STIM1: variants seen among roughly 807,000 people sequenced by gnomAD.
The protein encoded by STIM1 is stromal interaction molecule 1.
In STIM1, 25 loss-of-function variants were observed where a neutral mutation model predicts 74.7. The observed-to-expected ratio is 0.33, with a 90% CI of 0.24 to 0.47. STIM1 has a LOEUF of 0.47. STIM1 is among the 20% of genes least tolerant of loss of function. The pLI is 1.00. For missense variants in STIM1, 728 were observed against 920.8 expected (o/e 0.79, Z 2.71); for synonymous variants, 328 against 348.8 (o/e 0.94, Z 0.66).
At chr11:4,063,254 G>C (rs2094343645) in intron 5 of STIM1, among the ~76,000 whole-genome samples, 1 of 152,198 alleles carries the variant, frequency 6.6e-6, no homozygotes, top group Non-Finnish European at 1.5e-5. Flanking sequence ...TTTTAAGAGA[G>C]AGACTTAGAA....
intron 1 of STIM1, among the ~76,000 whole-genome samples, chr11:3,906,889 A>T (rs1297818686): frequency 6.6e-6 from 1 of 152,224 alleles, no homozygotes; most frequent in Admixed American, 6.5e-5. Flanking sequence ...AGATAAGAAA[A>T]TTGAGGGTAA....
At chr11:4,067,162 T>C (rs2094372703) in intron 5 of STIM1, among the ~76,000 whole-genome samples, 1 of 152,224 alleles carries the variant, frequency 6.6e-6, no homozygotes, top group Non-Finnish European at 1.5e-5. Context: ...TCTATCTCTG[T>C]AGTAACTCTA....
intron 2 of STIM1, chr11:4,018,937 C>T (rs1437982671): frequency 6.6e-6 from 1 of 152,604 alleles, no homozygotes; most frequent in African/African-American, 2.4e-5. Context: ...TGTTGCACTC[C>T]TGAAGGCAAA....
chr11:3,872,091 C>T (rs1048192427), intron 1 of STIM1, among the ~76,000 whole-genome samples: 2 of 152,096 alleles, frequency 1.3e-5, no homozygotes, highest in South Asian at 2.1e-4. Context: ...CTACCTCTGT[C>T]GCCCAGGCTG....
Position 4,070,170 on chromosome 11 carries a change from G to A in STIM1, c.758G>A (p.Arg253Gln), listed in dbSNP as rs771175797. The A allele has an allele frequency of 7.4e-6, 12 of 1,613,988 alleles. 1 individual carries two copies. The highest frequency in any genetic ancestry group is 6.7e-5 in the East Asian group (3 of 44,886). Residue 253 changes from arginine (R) to glutamine (Q), a missense_variant, in exon 6 of 13, where the codon CGA becomes CAA. This residue lies in a region of STIM1 where 131 missense variants were observed against 235.9 expected (regional missense o/e 0.56). Coordinates refer to ENST00000526596, the MANE Select transcript of STIM1 (RefSeq NM_001382567.1). Reference protein sequence around the residue: ...KMMKDLEGLHRAEQSLHDLQE... With the variant: ...KMMKDLEGLHQAEQSLHDLQE... The stretch of plus-strand genomic sequence containing the variant: ...ATGAAGGACTTGGAGGGGTTACACC[G>A]AGCTGAGCAGAGTCTGCATGACCTT...
intron 3 of STIM1, among the ~76,000 whole-genome samples, chr11:4,048,935 T>C (rs1273531094): frequency 6.6e-6 from 1 of 152,164 alleles, no homozygotes; most frequent in Non-Finnish European, 1.5e-5. Context: ...GGTTTCACCA[T>C]GTTGGCCAGG....
In STIM1 at chr11:3,912,140, CCCT is replaced by C. The variant is rs1253620678; in HGVS notation, c.140-55410_140-55408del. On this transcript the variant is annotated intron_variant, in intron 1 of 12. Transcript: ENST00000526596. ...CTCCCTAACCTTCTCCCCTCCCATC[CCCT>C]CTCCTCCCCTCCCTTCTCCCCTCCC... 1.8e-3 allele frequency among the ~76,000 whole-genome samples: 237 copies of C among 128,728 alleles called. 2 individuals carry two copies. The highest frequency in any genetic ancestry group is 6.4e-3 in the African/African-American group (216 of 33,520). 84.5% of individuals were successfully genotyped at this position (128,728 alleles called of 152,430 possible).
Position 4,020,511 on chromosome 11 carries a change from A to G in STIM1, c.271-3362A>G, listed in dbSNP as rs914477685. Among the ~76,000 whole-genome samples, 3 of 152,054 alleles carry G rather than the reference A, an allele frequency of 2.0e-5. 1 individual carries two copies. The South Asian group carries it at 6.2e-4, about 31-fold the overall frequency. ...GCCATACTAACTGGGGTGAGATGATATCTCATTGTGGTTTTGATTTCCATT... is the reference window on the plus strand; with the variant it reads ...GCCATACTAACTGGGGTGAGATGATGTCTCATTGTGGTTTTGATTTCCATT... On this transcript the variant is annotated intron_variant, in intron 2 of 12. Transcript: ENST00000526596.
intron 3 of STIM1, among the ~76,000 whole-genome samples, chr11:4,044,031 G>T (rs1165284318): frequency 6.6e-6 from 1 of 151,978 alleles, no homozygotes; most frequent in Non-Finnish European, 1.5e-5. Context: ...AGAAAAAAAA[G>T]ATAGGAGTTA....
intron 2 of STIM1, among the ~76,000 whole-genome samples, chr11:4,015,634 A>G (rs2093888786): frequency 1.3e-5 from 2 of 152,172 alleles, no homozygotes; most frequent in Admixed American, 1.3e-4. Flanking sequence ...TATCCTGAAG[A>G]GTGTTTTCTA....
intron 2 of STIM1, among the ~76,000 whole-genome samples, chr11:4,003,959 G>A (rs1168576280): frequency 6.6e-6 from 1 of 152,110 alleles, no homozygotes; most frequent in Non-Finnish European, 1.5e-5. Context: ...GACAAACAGA[G>A]AGCCAAATCA....
intron 1 of STIM1, among the ~76,000 whole-genome samples, chr11:3,919,213 G>T (rs1429280460): frequency 6.6e-6 from 1 of 152,114 alleles, no homozygotes; most frequent in Non-Finnish European, 1.5e-5. Flanking sequence ...ACACCAAACT[G>T]TGTTTTTTTG....
chr11:4,043,053 G>A lies in STIM1; in HGVS notation c.386-12473G>A, dbSNP rs548483608. Among the ~76,000 whole-genome samples the A allele has an allele frequency of 2.0e-3, 302 of 152,258 alleles. 1 individual carries two copies. Among genetic ancestry groups the A allele is most frequent in the Middle Eastern group, 6.8e-3 (2 of 294 alleles). ...ATATTTTACAGAAGGGGAAATTGAG[G>A]TTCATAATGGTTAAGTGATTTACGC... On this transcript the variant is annotated intron_variant, in intron 3 of 12. Coordinates refer to ENST00000526596, the MANE Select transcript of STIM1 (RefSeq NM_001382567.1).
chr11:3,865,081 A>G (rs780653300), intron 1 of STIM1, among the ~76,000 whole-genome samples: 6 of 152,140 alleles, frequency 3.9e-5, no homozygotes, highest in Non-Finnish European at 7.3e-5. Context: ...TACTACTCCA[A>G]CTTGGCTTCT....
intron 1 of STIM1, among the ~76,000 whole-genome samples, chr11:3,866,721 C>G (rs61061992): frequency 0.29 from 44,721 of 151,816 alleles, 7,573 homozygotes; most frequent in African/African-American, 0.46. Flanking sequence ...TACCTAAGAG[C>G]ACTGGGCATT....
In STIM1 at chr11:4,083,154, G is replaced by A. The variant is rs550127148; in HGVS notation, c.1239-109G>A. The A allele has an allele frequency of 2.1e-5, 27 of 1,296,736 alleles. No individual in the cohort carries two copies. The Middle Eastern group carries it at 7.3e-4, about 35-fold the overall frequency. 80.3% of individuals were successfully genotyped at this position (1,296,736 alleles called of 1,614,324 possible). ...TTGCTCTTAAGTTTGAGTTTATTGT[G>A]TGTTTTATTCACACATATTCTCAAA... On this transcript the variant is annotated intron_variant, in intron 9 of 12. Coordinates refer to ENST00000526596, the MANE Select transcript of STIM1 (RefSeq NM_001382567.1).
chr11:4,008,542 A>AT lies in STIM1; in HGVS notation c.271-15330dup, dbSNP rs531761837. On this transcript the variant is annotated intron_variant, in intron 2 of 12. Transcript: ENST00000526596. ...CTGTATATACATTTAAGAAAGATTA[A>AT]TAAAAACAAGTAAGATAATTATTTA... Among the ~76,000 whole-genome samples the AT allele has an allele frequency of 1.4e-4, 21 of 152,366 alleles. No homozygotes were observed. In the East Asian group the frequency reaches 3.9e-3, roughly 28 times the overall value.
At chr11:4,030,064 A>G (rs1030550534) in intron 3 of STIM1, among the ~76,000 whole-genome samples, 1 of 152,152 alleles carries the variant, frequency 6.6e-6, no homozygotes, top group Non-Finnish European at 1.5e-5. Context: ...GCGGTGGCTC[A>G]CGCCTGTAAT....
intron 2 of STIM1, among the ~76,000 whole-genome samples, chr11:3,991,147 T>G (rs897461805): frequency 2.6e-5 from 4 of 151,694 alleles, no homozygotes; most frequent in Admixed American, 6.6e-5. Flanking sequence ...ATGGTCAATA[T>G]GTACCACATT....
Sources: gnomAD v4.1 joint callset for allele counts (sites outside exome capture counted in the v4.1 genomes callset) on GRCh38, gnomAD v4.1.1 for gene constraint, gnomAD v4.1.1 regional missense constraint, MANE v1.5 for transcripts, NCBI Gene and HGNC (gene_info 2026-07-23, HGNC 2026-07-21) for gene names.